The following FHIT variants were observed in gnomAD, a reference collection of about 807,000 sequenced individuals.
FHIT encodes fragile histidine triad diadenosine triphosphatase, also known as bis(5'-adenosyl)-triphosphatase.
FHIT carries 19 observed loss-of-function variants against 17.9 expected under a neutral mutation model. The observed-to-expected ratio is 1.06, with a 90% CI of 0.74 to 1.56. The LOEUF is 1.56. FHIT is among the 40% of genes most tolerant of loss of function. The pLI, the probability that FHIT is intolerant of heterozygous loss-of-function variation, is 0.00. For synonymous variants in FHIT, 81 were observed against 69.7 expected, an observed-to-expected ratio of 1.16 and a Z score of -0.81; for missense variants, 248 against 189.2, an observed-to-expected ratio of 1.31 and a Z score of -1.82.
intron 5 of FHIT, among the ~76,000 whole-genome samples, chr3:60,221,186 G>C (rs1167403930): frequency 6.6e-6 from 1 of 152,154 alleles, no homozygotes. Flanking sequence ...GTAGTTCTGA[G>C]TAACTGCTAT....
intron 4 of FHIT, among the ~76,000 whole-genome samples, chr3:60,590,065 CT>C (rs1373569889): frequency 1.3e-5 from 2 of 152,016 alleles, no homozygotes; most frequent in African/African-American, 4.8e-5. Flanking sequence ...TTTAATTTTA[CT>C]CTTCCAAGTT....
chr3:61,145,765 C>A (rs2037209896), intron 2 of FHIT, among the ~76,000 whole-genome samples: 1 of 141,680 alleles, frequency 7.1e-6, no homozygotes, highest in East Asian at 2.0e-4. Context: ...TATTTTTTGG[C>A]TGCTATTATA....
Position 60,572,806 on chromosome 3 carries a change from G to C in FHIT, c.-17-35827C>G, listed in dbSNP as rs1434301102. Among the ~76,000 whole-genome samples, 5 of 152,288 alleles carry C rather than the reference G, an allele frequency of 3.3e-5. No homozygotes were observed. The East Asian group carries it at 9.6e-4, about 29-fold the overall frequency. ...CACAGGGGTTAATGTTGGCTGGGGAGATGGAAAAAGGAAAGAGGTAATGGG... is the reference window on the plus strand; with the variant it reads ...CACAGGGGTTAATGTTGGCTGGGGACATGGAAAAAGGAAAGAGGTAATGGG... On this transcript the variant is annotated intron_variant, in intron 4 of 9. Coordinates refer to ENST00000492590, the MANE Select transcript of FHIT (RefSeq NM_002012.4).
intron 3 of FHIT, among the ~76,000 whole-genome samples, chr3:60,910,319 C>T (rs1292467777): frequency 6.6e-6 from 1 of 152,020 alleles, no homozygotes; most frequent in Non-Finnish European, 1.5e-5. Flanking sequence ...AGATGAAGAC[C>T]ACATGGAGAA....
Position 60,255,101 on chromosome 3 carries a change from T to C in FHIT, c.104-240949A>G, listed in dbSNP as rs1050583806. 2.6e-5 allele frequency among the ~76,000 whole-genome samples: 4 copies of C among 152,196 alleles called. No individual in the cohort carries two copies. The East Asian group carries it at 7.7e-4, about 29-fold the overall frequency. On this transcript the variant is annotated intron_variant, in intron 5 of 9. Transcript: ENST00000492590. ...AAAACTTGAACAGATGGCAGAATTATAATAACTTTTCCTTATGATTTAGGT... is the reference window on the plus strand; with the variant it reads ...AAAACTTGAACAGATGGCAGAATTACAATAACTTTTCCTTATGATTTAGGT...
chr3:60,608,149 A>G (rs2107726224), intron 4 of FHIT, among the ~76,000 whole-genome samples: 1 of 152,218 alleles, frequency 6.6e-6, no homozygotes, highest in Admixed American at 6.5e-5. Flanking sequence ...CGCAGAGGAC[A>G]AGACTCTCAC....
At chr3:60,834,122 C>T (rs1192754256) in intron 3 of FHIT, among the ~76,000 whole-genome samples, 1 of 152,132 alleles carries the variant, frequency 6.6e-6, no homozygotes, top group Non-Finnish European at 1.5e-5. Context: ...TGAACATAAG[C>T]TTTTGTTTAC....
chr3:60,322,865 T>A (rs557311339), intron 5 of FHIT, among the ~76,000 whole-genome samples: 2 of 152,052 alleles, frequency 1.3e-5, no homozygotes, highest in African/African-American at 4.8e-5. Flanking sequence ...GGAAATGATA[T>A]CCCAAATTTG....
intron 4 of FHIT, among the ~76,000 whole-genome samples, chr3:60,545,757 G>A (rs1419331632): frequency 2.6e-5 from 4 of 152,164 alleles, no homozygotes; most frequent in Non-Finnish European, 5.9e-5. Context: ...CTGACTCATT[G>A]AAAGTTGAAG....
intron 7 of FHIT, among the ~76,000 whole-genome samples, chr3:59,968,643 T>C (rs190887204): frequency 2.0e-5 from 3 of 152,230 alleles, no homozygotes; most frequent in Admixed American, 2.0e-4. Flanking sequence ...CTCACAGAAA[T>C]GGCATCTCAG....
intron 5 of FHIT, among the ~76,000 whole-genome samples, chr3:60,514,767 TGAGAG>T (rs1281021489): frequency 6.6e-6 from 1 of 152,108 alleles, no homozygotes; most frequent in Non-Finnish European, 1.5e-5. Context: ...TAGAAGTCTC[TGAGAG>T]GAGAGAAATC....
intron 3 of FHIT, among the ~76,000 whole-genome samples, chr3:61,013,073 A>T (rs2031887822): frequency 1.3e-5 from 2 of 152,308 alleles, no homozygotes; most frequent in South Asian, 4.1e-4. Context: ...TGTCAATAAT[A>T]AGCCAGAAAT....
chr3:60,607,404 G>T (rs782432314), intron 4 of FHIT, among the ~76,000 whole-genome samples: 2 of 151,576 alleles, frequency 1.3e-5, no homozygotes, highest in African/African-American at 4.9e-5. Context: ...GCAAATGGTA[G>T]AATTCTTTTT....
chr3:60,302,194 T>G (rs1576445583), intron 5 of FHIT, among the ~76,000 whole-genome samples: 1 of 152,124 alleles, frequency 6.6e-6, no homozygotes, highest in Non-Finnish European at 1.5e-5. Flanking sequence ...TGGTCATTCT[T>G]TTTTTAAATT....
intron 5 of FHIT, among the ~76,000 whole-genome samples, chr3:60,454,460 C>A (rs1020703888): frequency 2.0e-5 from 3 of 151,782 alleles, no homozygotes; most frequent in African/African-American, 7.3e-5. Flanking sequence ...TCTCGGCTCA[C>A]TGCAACCTCC....
intron 1 of FHIT, among the ~76,000 whole-genome samples, chr3:61,242,560 A>C (rs987757132): frequency 6.6e-6 from 1 of 152,172 alleles, no homozygotes; most frequent in Non-Finnish European, 1.5e-5. Flanking sequence ...CCTGCTGCCC[A>C]GATGGTTTAT....
At chr3:60,466,019 C>A (rs1167506544) in intron 5 of FHIT, among the ~76,000 whole-genome samples, 2 of 152,048 alleles carry the variant, frequency 1.3e-5, no homozygotes, top group Non-Finnish European at 2.9e-5. Flanking sequence ...AAACCATGAA[C>A]ATGGAATATC....
chr3:60,072,071 T>C (rs1477199969), intron 5 of FHIT, among the ~76,000 whole-genome samples: 1 of 152,078 alleles, frequency 6.6e-6, no homozygotes, highest in East Asian at 1.9e-4. Context: ...AACAGACTAA[T>C]ACAGGTAATA....
intron 5 of FHIT, among the ~76,000 whole-genome samples, chr3:60,435,352 T>A (rs2030122859): frequency 6.6e-6 from 1 of 152,166 alleles, no homozygotes; most frequent in Admixed American, 6.5e-5. Context: ...TCAGATATGA[T>A]GGCAAGGCTG....
Sources: gnomAD v4.1 joint callset for allele counts (sites outside exome capture counted in the v4.1 genomes callset) on GRCh38, gnomAD v4.1.1 for gene constraint, MANE v1.5 for transcripts, NCBI Gene and HGNC (gene_info 2026-07-23, HGNC 2026-07-21) for gene names.